Variants in STK3 observed in about 807,000 individuals in gnomAD.
STK3 encodes the protein serine/threonine-protein kinase 3.
In STK3, 41 loss-of-function variants were observed where a neutral mutation model predicts 58.0. The ratio of observed to expected loss-of-function variants is 0.71; its 90% CI spans 0.55 to 0.92. The LOEUF is 0.92. STK3 is among the 40% of genes least tolerant of loss of function. The pLI, the probability that STK3 is intolerant of heterozygous loss-of-function variation, is 0.00. For synonymous variants in STK3, 170 were observed against 191.0 expected, an observed-to-expected ratio of 0.89 and a Z score of 0.91; for missense variants, 479 against 602.7, an observed-to-expected ratio of 0.79 and a Z score of 2.15.
chr8:98,857,926 G>A, intron 3 of STK3, among the ~76,000 whole-genome samples: 1 of 152,040 alleles, frequency 6.6e-6, no homozygotes, highest in African/African-American at 2.4e-5. Context: ...GGAGAAAGGA[G>A]AAAAGGAAAA....
chr8:98,645,847 G>A (rs1015400792), intron 6 of STK3, among the ~76,000 whole-genome samples: 5 of 151,992 alleles, frequency 3.3e-5, no homozygotes, highest in African/African-American at 9.7e-5. Context: ...TACAGATATA[G>A]ATATCGAGTA....
rs143907228 is a variant in STK3, at chr8:98,784,363, G to C, written c.27-9544C>G. ...CTCCTCCACTGCAGGTCAAGGATGA[G>C]AGAAGAGCTGCTACAGCTATTGTTT... is the stretch of plus-strand genomic sequence containing the variant. On this transcript the variant is annotated intron_variant, in intron 1 of 10. Coordinates refer to ENST00000419617, the MANE Select transcript of STK3 (RefSeq NM_006281.4). Among the ~76,000 whole-genome samples, 169 of 152,354 alleles carry C rather than the reference G, an allele frequency of 1.1e-3. 1 individual carries two copies. The highest frequency in any genetic ancestry group is 3.6e-3 in the African/African-American group (151 of 41,574).
chr8:98,705,993 G>A (rs187903773), intron 6 of STK3, among the ~76,000 whole-genome samples: 1 of 151,568 alleles, frequency 6.6e-6, no homozygotes, highest in Admixed American at 6.6e-5. Flanking sequence ...CTTTATATGT[G>A]CATAGTAATA....
intron 3 of STK3, among the ~76,000 whole-genome samples, chr8:98,841,681 C>CA (rs10605812): frequency 0.33 from 28,821 of 86,710 alleles, 4,441 homozygotes; most frequent in South Asian, 0.53. Flanking sequence ...GACCTGGTCT[C>CA]AAAAAAAAAA....
chr8:98,922,049 C>T (rs1246546790), intron 1 of STK3, among the ~76,000 whole-genome samples: 1 of 152,158 alleles, frequency 6.6e-6, no homozygotes, highest in African/African-American at 2.4e-5. Flanking sequence ...TTGGAAAGCA[C>T]CCTTGCAGCT....
At chr8:98,937,833 A>G (rs564307540) in intron 1 of STK3, among the ~76,000 whole-genome samples, 2 of 152,356 alleles carry the variant, frequency 1.3e-5, no homozygotes, top group East Asian at 3.9e-4. Context: ...TTGTATCTGC[A>G]TTCAAATATT....
At chr8:98,657,599 C>T (rs981508080) in intron 6 of STK3, among the ~76,000 whole-genome samples, 2 of 151,870 alleles carry the variant, frequency 1.3e-5, no homozygotes, top group Admixed American at 6.6e-5. Context: ...TAGACTCAAC[C>T]TTAAAATATG....
intron 1 of STK3, among the ~76,000 whole-genome samples, chr8:98,888,729 G>A (rs1838086155): frequency 6.6e-6 from 1 of 152,144 alleles, no homozygotes; most frequent in Non-Finnish European, 1.5e-5. Context: ...TTTCAAGTAT[G>A]CAAATTAACT....
chr8:98,872,034 T>G (rs540972168), intron 3 of STK3, among the ~76,000 whole-genome samples: 1 of 152,340 alleles, frequency 6.6e-6, no homozygotes, highest in East Asian at 1.9e-4. Context: ...CCTAGTTTAT[T>G]GAGAGTTTTT....
At chr8:98,838,292 G>A (rs913542201) in intron 3 of STK3, among the ~76,000 whole-genome samples, 1 of 151,894 alleles carries the variant, frequency 6.6e-6, no homozygotes, top group African/African-American at 2.4e-5. Flanking sequence ...ATAAACTAAT[G>A]TTTCTTGCTT....
chr8:98,556,153 T>G (rs1178856069), intron 8 of STK3, among the ~76,000 whole-genome samples: 1 of 152,086 alleles, frequency 6.6e-6, no homozygotes, highest in East Asian at 1.9e-4. Context: ...AAGCCTCCCT[T>G]TAGAATTTAT....
chr8:98,589,129 C>T (rs1337139193), intron 7 of STK3, among the ~76,000 whole-genome samples: 45 of 152,038 alleles, frequency 3.0e-4, no homozygotes, highest in African/African-American at 8.7e-4. Context: ...AGCTTTGTTC[C>T]GTTGCTGGTG....
chr8:98,571,835 C>T (rs1812993383), intron 8 of STK3, among the ~76,000 whole-genome samples: 1 of 152,302 alleles, frequency 6.6e-6, no homozygotes, highest in South Asian at 2.1e-4. Context: ...AATTCTTCTA[C>T]ATCCATTTAA....
chr8:98,636,272 G>A (rs186462459), intron 6 of STK3, among the ~76,000 whole-genome samples: 2 of 152,014 alleles, frequency 1.3e-5, no homozygotes, highest in Non-Finnish European at 2.9e-5. Context: ...GAAAAGCTAG[G>A]ATTCTACCAC....
At chr8:98,533,961 G>T (rs1424167274) in intron 9 of STK3, among the ~76,000 whole-genome samples, 2 of 152,110 alleles carry the variant, frequency 1.3e-5, no homozygotes, top group Non-Finnish European at 2.9e-5. Context: ...AGGAGCCATG[G>T]TTTTTCATCA....
At chr8:98,523,383 T>TG (rs1825512812) in intron 10 of STK3, among the ~76,000 whole-genome samples, 3 of 151,350 alleles carry the variant, frequency 2.0e-5, no homozygotes, top group East Asian at 3.9e-4. Flanking sequence ...CCCTTTTTTT[T>TG]TTTTTTTTTG....
At chr8:98,674,201 G>T (rs1183024259) in intron 6 of STK3, among the ~76,000 whole-genome samples, 1 of 152,108 alleles carries the variant, frequency 6.6e-6, no homozygotes, top group Non-Finnish European at 1.5e-5. Flanking sequence ...GAAATAAAGA[G>T]ATGACATGCA....
chr8:98,793,759 A>G (rs1423616745), intron 1 of STK3, among the ~76,000 whole-genome samples: 2 of 152,162 alleles, frequency 1.3e-5, no homozygotes, highest in Admixed American at 6.5e-5. Flanking sequence ...TCGTCTGCAC[A>G]TGGAAGATAC....
intron 10 of STK3, among the ~76,000 whole-genome samples, chr8:98,488,474 G>A (rs1260937329): frequency 6.6e-6 from 1 of 152,112 alleles, no homozygotes. Flanking sequence ...GGTAGGGTAG[G>A]GAGGAAATGA....
Sources: allele counts gnomAD v4.1 joint callset (sites outside exome capture counted in the v4.1 genomes callset), GRCh38; gene constraint gnomAD v4.1.1; transcripts MANE v1.5; gene names NCBI Gene and HGNC (gene_info 2026-07-23, HGNC 2026-07-21).